Variants in MAP3K1 observed in about 807,000 individuals in gnomAD.
The protein encoded by MAP3K1 is mitogen-activated protein kinase kinase kinase 1, also known as MAP/ERK kinase kinase 1.
A neutral mutation model predicts 144.2 loss-of-function variants in MAP3K1; 36 were observed. The ratio of observed to expected loss-of-function variants is 0.25; its 90% confidence interval spans 0.19 to 0.33. The LOEUF (loss-of-function observed/expected upper bound fraction) is 0.33, where lower values mean the gene tolerates loss of function less well. Ranked by LOEUF, MAP3K1 falls within the 10% of genes least tolerant of loss-of-function variation. MAP3K1 has a pLI of 1.00. For missense variants in MAP3K1, 1,650 were observed against 1,881.9 expected (o/e 0.88, Z 2.28); for synonymous variants, 718 against 688.7 (o/e 1.04, Z -0.67).
Position 56,895,108 on chromosome 5 carries a change from C to G in MAP3K1, c.*1428C>G, listed in dbSNP as rs190787873. Reference sequence around the variant, plus strand: ...GTTATTCTCAAAGACTCAGGATAAACTAAATAAGCTATATATAGAGTACAT... The same window carrying G: ...GTTATTCTCAAAGACTCAGGATAAAGTAAATAAGCTATATATAGAGTACAT... On this transcript the variant is annotated 3_prime_UTR_variant, in exon 20 of 20. Transcript: ENST00000399503. The G allele has an allele frequency of 3.5e-4, 80 of 231,238 alleles. No homozygotes were observed. Among genetic ancestry groups the G allele is most frequent in the African/African-American group, 1.7e-3 (77 of 45,336 alleles). 14.3% of individuals were successfully genotyped at this position (231,238 alleles called of 1,614,324 possible). A position where few individuals can be genotyped will look rare whatever the true frequency, so the allele number is the denominator to read the frequency against.
intron 1 of MAP3K1, among the ~76,000 whole-genome samples, chr5:56,833,214 G>A (rs774436962): frequency 3.9e-5 from 6 of 152,308 alleles, no homozygotes; most frequent in Non-Finnish European, 7.4e-5. Context: ...AATAAAGCAA[G>A]TTATAAACAC....
Position 56,881,612 on chromosome 5 carries a change from C to G in MAP3K1, c.2412C>G (p.Ser804=), listed in dbSNP as rs1280886566. The change falls in exon 14 of 20, where the codon TCC becomes TCG. Residue 804 remains serine, a synonymous_variant. Transcript: ENST00000399503. ...LLSLLTFALQ[S]IDNSHSMVGK... is the part of the protein sequence containing the mutation. ...CCCTCTTAACCTTTGCTTTGCAGTC[C>G]ATTGATAATTCCCACTCAATGGTTG... The G allele has an allele frequency of 6.2e-7, 1 of 1,613,812 alleles. No individual in the cohort carries two copies. Among genetic ancestry groups the G allele is most frequent in the South Asian group, 1.1e-5 (1 of 91,070 alleles).
At chr5:56,826,553 A>G (rs1746320999) in intron 1 of MAP3K1, among the ~76,000 whole-genome samples, 1 of 152,248 alleles carries the variant, frequency 6.6e-6, no homozygotes, top group Non-Finnish European at 1.5e-5. Context: ...AGACCTTCAC[A>G]GGTCAGACAA....
intron 5 of MAP3K1, 30 bp from the exon 6 acceptor site, chr5:56,865,799 A>G (rs368468756): frequency 6.2e-7 from 1 of 1,610,398 alleles, no homozygotes; most frequent in East Asian, 2.2e-5. Flanking sequence ...TGGCACAAAT[A>G]TCATTGTTAC....
chr5:56,867,224 C>T (rs75110839), intron 6 of MAP3K1, among the ~76,000 whole-genome samples: 4,936 of 152,208 alleles, frequency 0.032, 252 homozygotes, highest in African/African-American at 0.11. Flanking sequence ...GAAAGTTTCT[C>T]TCTGAGGTTA....
In MAP3K1 at chr5:56,848,633, A is replaced by G. The variant is rs143195974; in HGVS notation, c.483-7967A>G. 4.5e-4 allele frequency among the ~76,000 whole-genome samples: 69 copies of G among 152,284 alleles called. No individual in the cohort carries two copies. In the Middle Eastern group the frequency reaches 0.014, roughly 30 times the overall value. On this transcript the variant is annotated intron_variant, in intron 1 of 19. Transcript: ENST00000399503. Reference sequence around the variant, plus strand: ...TCTTATTTTAATTTTGGTTAATTTTATATATATTTTATGTTTCTATACTGT... The same window carrying G: ...TCTTATTTTAATTTTGGTTAATTTTGTATATATTTTATGTTTCTATACTGT...
chr5:56,818,418 T>A (rs1746049679), intron 1 of MAP3K1, among the ~76,000 whole-genome samples: 1 of 152,170 alleles, frequency 6.6e-6, no homozygotes, highest in African/African-American at 2.4e-5. Flanking sequence ...TCTAAGATTT[T>A]GAAATATTTG....
At chr5:56,816,197 A>AC in intron 1 of MAP3K1, 142 bp downstream of exon 1, 1 of 851,706 alleles carries the variant, frequency 1.2e-6, no homozygotes, top group Non-Finnish European at 1.5e-6. Context: ...GCCCCTGAGC[A>AC]CCCCCCGACC....
In MAP3K1 at chr5:56,875,047, C is replaced by T. The variant is rs779917428; in HGVS notation, c.1702C>T (p.Leu568Phe). 6.2e-7 allele frequency: 1 copy of T among 1,614,186 alleles called. No individual in the cohort carries two copies. Among genetic ancestry groups the T allele is most frequent in the Non-Finnish European group, 8.5e-7 (1 of 1,180,024 alleles). ...TTTGATACAGGTGTTTGGAATGGAACTCGTTGGCTGCTTATTTTCTAGAAA... is the reference window on the plus strand; with the variant it reads ...TTTGATACAGGTGTTTGGAATGGAATTCGTTGGCTGCTTATTTTCTAGAAA... The part of the protein sequence containing the change: ...EPWIQVFGME[L>F]VGCLFSRNWN... Residue 568 changes from leucine to phenylalanine, a missense_variant, in exon 10 of 20, where the codon CTC (leucine) becomes TTC (phenylalanine). Physicochemically the swap from Leu to Phe is conservative, Grantham distance 22. This residue lies in a region of MAP3K1 where 841 missense variants were observed against 886.5 expected (regional missense o/e 0.95). Coordinates refer to ENST00000399503, the MANE Select transcript of MAP3K1 (RefSeq NM_005921.2).
rs544674438 is a variant in MAP3K1, at chr5:56,815,760, C to T, written c.187C>T (p.Arg63Cys). ...ERADWRRRQL[R>C]KVRSVELDQL... Reference sequence around the variant, plus strand: ...GGCGGACTGGCGGCGGCGGCAGCTGCGCAAAGTGCGGAGTGTGGAGCTGGA... The same window carrying T: ...GGCGGACTGGCGGCGGCGGCAGCTGTGCAAAGTGCGGAGTGTGGAGCTGGA... Residue 63 changes from arginine to cysteine, a missense_variant, in exon 1 of 20, where the codon CGC becomes TGC. Coordinates refer to ENST00000399503, the MANE Select transcript of MAP3K1 (RefSeq NM_005921.2). The T allele has an allele frequency of 1.1e-5, 15 of 1,380,800 alleles. No homozygotes were observed. In the African/African-American group the frequency reaches 2.1e-4, roughly 19 times the overall value. The allele number at this position is 1,380,800 out of a possible 1,614,324, so 85.5% of individuals were successfully genotyped here.
intron 1 of MAP3K1, among the ~76,000 whole-genome samples, chr5:56,852,561 G>T (rs936273807): frequency 6.6e-6 from 1 of 152,138 alleles, no homozygotes; most frequent in Non-Finnish European, 1.5e-5. Flanking sequence ...AGCTTGATCT[G>T]TAATAGTGCT....
intron 19 of MAP3K1, 73 bp from the exon 20 acceptor site, chr5:56,893,458 G>T: frequency 6.9e-7 from 1 of 1,442,820 alleles, no homozygotes; most frequent in South Asian, 1.1e-5. Context: ...AGGGTTATGA[G>T]GTCTATGCAC....
At chr5:56,831,013 A>G (rs62358073) in intron 1 of MAP3K1, among the ~76,000 whole-genome samples, 14,809 of 152,068 alleles carry the variant, frequency 0.097, 1,147 homozygotes, top group East Asian at 0.31. Flanking sequence ...CGTAAGGAAT[A>G]TAATATATTT....
In MAP3K1 at chr5:56,893,778, C is replaced by G; in HGVS notation, c.*98C>G. On this transcript the variant is annotated 3_prime_UTR_variant, in exon 20 of 20. Transcript: ENST00000399503. ...TGATATTCTACTGGCCATGATGCCACTGAACAGCTATGAACGAGGCCAGTG... is the reference window on the plus strand; with the variant it reads ...TGATATTCTACTGGCCATGATGCCAGTGAACAGCTATGAACGAGGCCAGTG... 7.5e-7 allele frequency: 1 copy of G among 1,333,216 alleles called. No homozygotes were observed. Among genetic ancestry groups the G allele is most frequent in the Non-Finnish European group, 1.1e-6 (1 of 947,976 alleles). 82.6% of individuals were successfully genotyped at this position (1,333,216 alleles called of 1,614,324 possible). A position where few individuals can be genotyped will look rare whatever the true frequency, so the allele number is the denominator to read the frequency against.
At position 56,816,035 on chromosome 5, in the gene MAP3K1, T is replaced by C. The variant is rs1197817856; in HGVS notation, c.462T>C (p.Ser154=). The change falls in exon 1 of 20, where the codon TCT becomes TCC. Residue 154 remains serine (S), a synonymous_variant. Transcript: ENST00000399503. The stretch of plus-strand genomic sequence containing the variant: ...AGCGGGCGCCCGCCGCCGAGCCGTC[T>C]CCTGCAGCGGCCCCCGCCGGGTGAG... ...GEKRAPAAEP[S]PAAAPAGREM... 2.5e-6 allele frequency: 3 copies of C among 1,217,680 alleles called. No individual in the cohort carries two copies. Among genetic ancestry groups the C allele is most frequent in the Non-Finnish European group, 2.0e-6 (2 of 980,436 alleles). The allele number at this position is 1,217,680 out of a possible 1,614,324, so 75.4% of individuals were successfully genotyped here. A position where few individuals can be genotyped will look rare whatever the true frequency, so the allele number is the denominator to read the frequency against.
At chr5:56,838,133 G>A (rs905884779) in intron 1 of MAP3K1, among the ~76,000 whole-genome samples, 1 of 152,186 alleles carries the variant, frequency 6.6e-6, no homozygotes, top group Non-Finnish European at 1.5e-5. Flanking sequence ...CTTTGGTCCG[G>A]TATCAGTCAG....
intron 17 of MAP3K1, among the ~76,000 whole-genome samples, chr5:56,886,272 C>A (rs981368798): frequency 6.6e-6 from 1 of 151,966 alleles, no homozygotes; most frequent in Non-Finnish European, 1.5e-5. Context: ...GGTAAGGTGG[C>A]GCATGCCTGT....
intron 5 of MAP3K1, 79 bp downstream of exon 5, chr5:56,865,535 T>C: frequency 1.1e-6 from 1 of 882,480 alleles, no homozygotes; most frequent in South Asian, 1.4e-5. Flanking sequence ...CTTCACTAAA[T>C]TTAGGCAGTG....
rs780183948 is a variant in MAP3K1 at position 56,881,589 on chromosome 5, C to T, written c.2389C>T (p.Leu797Phe). 7 of 1,613,222 alleles carry T rather than the reference C, an allele frequency of 4.3e-6. No homozygotes were observed. The South Asian group carries it at 6.6e-5, about 15-fold the overall frequency. The change falls in exon 14 of 20, where the codon CTC becomes TTC. Residue 797 changes from leucine to phenylalanine, a missense_variant. Physicochemically the swap from Leu to Phe is conservative, Grantham distance 22. This residue lies in a region of MAP3K1 where 841 missense variants were observed against 886.5 expected (regional missense o/e 0.95). Transcript: ENST00000399503. ...VEIRYKKLLS[L>F]LTFALQSIDN... ...TTTCAGGTATAAGAAGCTGCTGTCCCTCTTAACCTTTGCTTTGCAGTCCAT... is the reference window on the plus strand; with the variant it reads ...TTTCAGGTATAAGAAGCTGCTGTCCTTCTTAACCTTTGCTTTGCAGTCCAT...
Sources: gnomAD v4.1 joint callset for allele counts (sites outside exome capture counted in the v4.1 genomes callset) on GRCh38, gnomAD v4.1.1 for gene constraint, gnomAD v4.1.1 regional missense constraint, MANE v1.5 for transcripts, NCBI Gene and HGNC (gene_info 2026-07-23, HGNC 2026-07-21) for gene names.